The following CCSER1 variants were observed in gnomAD, a reference collection of about 807,000 sequenced individuals.
CCSER1 encodes the protein coiled-coil serine rich protein 1, also known as serine-rich coiled-coil domain-containing protein 1.
Under a neutral mutation model 82.0 loss-of-function variants are expected in CCSER1, and 41 were observed. The ratio of observed to expected loss-of-function variants is 0.50; its 90% CI spans 0.39 to 0.65. The LOEUF (loss-of-function observed/expected upper bound fraction) is 0.65, where lower values mean the gene tolerates loss of function less well. CCSER1 is among the 30% of genes least tolerant of loss of function. The pLI is 0.00. For synonymous variants in CCSER1, 414 were observed against 383.9 expected (o/e 1.08, Z -0.92); for missense variants, 1,119 against 1,064.2 (o/e 1.05, Z -0.72).
intron 7 of CCSER1, among the ~76,000 whole-genome samples, chr4:90,730,460 A>G (rs1019226888): frequency 1.3e-5 from 2 of 152,224 alleles, no homozygotes; most frequent in African/African-American, 2.4e-5. Context: ...AGTACCTACC[A>G]TGTTCTTAGT....
In CCSER1 at chr4:91,315,358, A is replaced by T. The variant is rs180872361; in HGVS notation, c.2217+229364A>T. On this transcript the variant is annotated intron_variant, in intron 10 of 10. Coordinates refer to ENST00000509176, the MANE Select transcript of CCSER1 (RefSeq NM_001145065.2). The stretch of plus-strand genomic sequence containing the variant: ...AGAAAGCAGTACACCTCCTTGTAAT[A>T]TGTTATGAACTTCTTTCAGGCAGAG... Among the ~76,000 whole-genome samples, 672 of 152,074 alleles carry T rather than the reference A, an allele frequency of 4.4e-3. 4 individuals are homozygous for T. The highest frequency in any genetic ancestry group is 0.016 in the African/African-American group (647 of 41,532).
chr4:91,546,174 T>C (rs1761880232), intron 10 of CCSER1, among the ~76,000 whole-genome samples: 1 of 152,146 alleles, frequency 6.6e-6, no homozygotes, highest in Non-Finnish European at 1.5e-5. Flanking sequence ...GGGTTTGATT[T>C]ACTAATAGCT....
At chr4:91,037,587 TC>T (rs1741562079) in intron 9 of CCSER1, among the ~76,000 whole-genome samples, 1 of 54,618 alleles carries the variant, frequency 1.8e-5, no homozygotes, top group Non-Finnish European at 4.5e-5. Context: ...TACTTTTCCT[TC>T]TTCTCTCTCC....
chr4:91,545,398 G>A (rs1761836944), intron 10 of CCSER1, among the ~76,000 whole-genome samples: 2 of 152,138 alleles, frequency 1.3e-5, no homozygotes, highest in South Asian at 4.1e-4. Context: ...CCCATCTTCT[G>A]TGTCGCTTAC....
intron 8 of CCSER1, among the ~76,000 whole-genome samples, chr4:90,900,287 G>A (rs895097297): frequency 2.6e-5 from 4 of 151,642 alleles, no homozygotes; most frequent in African/African-American, 9.7e-5. Flanking sequence ...AGAACGTATT[G>A]TATTTCTGTG....
At chr4:91,354,281 T>C (rs571882033) in intron 10 of CCSER1, among the ~76,000 whole-genome samples, 1 of 152,352 alleles carries the variant, frequency 6.6e-6, no homozygotes, top group Admixed American at 6.5e-5. Flanking sequence ...ACAGCTATGC[T>C]TCATTTTTCG....
At chr4:90,485,062 G>A (rs1377999976) in intron 5 of CCSER1, among the ~76,000 whole-genome samples, 1 of 152,216 alleles carries the variant, frequency 6.6e-6, no homozygotes, top group Admixed American at 6.5e-5. Context: ...ACCTGCTCTA[G>A]CCTGAGCAAT....
intron 6 of CCSER1, among the ~76,000 whole-genome samples, chr4:90,705,205 G>A (rs545374923): frequency 2.6e-5 from 4 of 152,312 alleles, no homozygotes; most frequent in Non-Finnish European, 4.4e-5. Context: ...AGGACCCTCA[G>A]CTGCAGGTCT....
Position 90,387,269 on chromosome 4 carries a change from A to C in CCSER1, c.1510-12767A>C, listed in dbSNP as rs368703230. 9.8e-5 allele frequency among the ~76,000 whole-genome samples: 15 copies of C among 152,320 alleles called. No individual in the cohort carries two copies. The East Asian group carries it at 1.7e-3, about 18-fold the overall frequency. ...AACCTCTATGATACTCCTTACCTGC[A>C]GATATGGCTCTAAAATATGACAAAA... On this transcript the variant is annotated intron_variant, in intron 3 of 10. Transcript: ENST00000509176.
chr4:90,391,504 A>AATATAT (rs70963065), intron 3 of CCSER1, among the ~76,000 whole-genome samples: 1,756 of 79,368 alleles, frequency 0.022, 63 homozygotes, highest in East Asian at 0.03. Flanking sequence ...ACAGTGGGTA[A>AATATAT]ATATATATAT....
At chr4:90,283,421 A>G (rs567388681) in intron 1 of CCSER1, among the ~76,000 whole-genome samples, 1 of 152,158 alleles carries the variant, frequency 6.6e-6, no homozygotes, top group East Asian at 1.9e-4. Context: ...TGATACAAGC[A>G]TATAGCATGC....
chr4:91,452,484 G>A (rs1296037999), intron 10 of CCSER1, among the ~76,000 whole-genome samples: 1 of 152,036 alleles, frequency 6.6e-6, no homozygotes, highest in Admixed American at 6.6e-5. Context: ...ACTCATATTG[G>A]TGTTGACTGG....
intron 10 of CCSER1, among the ~76,000 whole-genome samples, chr4:91,410,311 C>T (rs1414348525): frequency 6.6e-6 from 1 of 151,436 alleles, no homozygotes; most frequent in East Asian, 1.9e-4. Flanking sequence ...ACTGTCTTTC[C>T]ATCATTTTTT....
intron 6 of CCSER1, among the ~76,000 whole-genome samples, chr4:90,684,370 T>G (rs1734429603): frequency 6.6e-6 from 1 of 152,190 alleles, no homozygotes; most frequent in Non-Finnish European, 1.5e-5. Flanking sequence ...ATAACTAGTA[T>G]AGTGTCTGCC....
intron 1 of CCSER1, among the ~76,000 whole-genome samples, chr4:90,213,958 G>A (rs921152558): frequency 1.3e-5 from 2 of 152,132 alleles, no homozygotes; most frequent in African/African-American, 4.8e-5. Context: ...AATAGAATAA[G>A]TCAATAGCTG....
intron 9 of CCSER1, among the ~76,000 whole-genome samples, chr4:90,973,007 G>T (rs1355809256): frequency 1.3e-5 from 2 of 151,608 alleles, no homozygotes; most frequent in Non-Finnish European, 2.9e-5. Flanking sequence ...ATATATAAAA[G>T]TCAACTCAAA....
chr4:90,213,387 A>T (rs567811500), intron 1 of CCSER1, among the ~76,000 whole-genome samples: 1 of 152,152 alleles, frequency 6.6e-6, no homozygotes, highest in Admixed American at 6.5e-5. Flanking sequence ...TGAGATGTCT[A>T]TTGGACATCT....
intron 5 of CCSER1, among the ~76,000 whole-genome samples, chr4:90,597,103 A>C (rs1783435316): frequency 6.6e-6 from 1 of 152,000 alleles, no homozygotes; most frequent in African/African-American, 2.4e-5. Context: ...TTTCTACAGA[A>C]ATTTAAATTC....
At chr4:90,348,220 C>G (rs1313816730) in intron 3 of CCSER1, among the ~76,000 whole-genome samples, 1 of 152,008 alleles carries the variant, frequency 6.6e-6, no homozygotes, top group Non-Finnish European at 1.5e-5. Flanking sequence ...CCCCATGGTG[C>G]ACGTTTACCT....
Sources: gnomAD v4.1 joint callset for allele counts (sites outside exome capture counted in the v4.1 genomes callset) on GRCh38, gnomAD v4.1.1 for gene constraint, MANE v1.5 for transcripts, NCBI Gene and HGNC (gene_info 2026-07-23, HGNC 2026-07-21) for gene names.